Variants in KMT2C observed in about 807,000 individuals in gnomAD.
The protein encoded by KMT2C is lysine methyltransferase 2C.
KMT2C carries 88 observed loss-of-function variants against 507.9 expected under a neutral mutation model. The observed-to-expected ratio is 0.17, with a 90% CI of 0.15 to 0.21. KMT2C has a LOEUF of 0.21. KMT2C is among the 10% of genes least tolerant of loss of function. The pLI is 1.00. For missense variants in KMT2C, 4,954 were observed against 5,957.8 expected (o/e 0.83, Z 5.55); for synonymous variants, 2,049 against 2,080.8 (o/e 0.98, Z 0.42).
intron 26 of KMT2C, among the ~76,000 whole-genome samples, chr7:152,199,728 T>G (rs947046990): frequency 2.0e-5 from 3 of 152,210 alleles, no homozygotes; most frequent in African/African-American, 4.8e-5. Context: ...CAAAGGTTTC[T>G]AGAAACTGCA....
At chr7:152,336,447 G>T (rs544618591) in intron 2 of KMT2C, among the ~76,000 whole-genome samples, 1 of 152,046 alleles carries the variant, frequency 6.6e-6, no homozygotes. Context: ...GTCAACCAGG[G>T]ATCCAACCAG....
intron 34 of KMT2C, among the ~76,000 whole-genome samples, chr7:152,184,526 T>C (rs900387627): frequency 6.6e-6 from 1 of 152,186 alleles, no homozygotes; most frequent in Admixed American, 6.5e-5. Flanking sequence ...TCTTTAAACA[T>C]GTCTAAATAT....
At chr7:152,190,939 C>T (rs913007345) in intron 31 of KMT2C, among the ~76,000 whole-genome samples, 3 of 152,172 alleles carry the variant, frequency 2.0e-5, no homozygotes, top group Non-Finnish European at 4.4e-5. Context: ...TTTCCAAGAT[C>T]CTATACCTCT....
intron 52 of KMT2C, among the ~76,000 whole-genome samples, chr7:152,147,337 T>C (rs1191953918): frequency 6.6e-6 from 1 of 152,096 alleles, no homozygotes; most frequent in East Asian, 1.9e-4. Context: ...TATGACAATG[T>C]ATACAGTATG....
chr7:152,430,484 A>T (rs1482805405), intron 1 of KMT2C, among the ~76,000 whole-genome samples: 1 of 152,152 alleles, frequency 6.6e-6, no homozygotes, highest in Non-Finnish European at 1.5e-5. Context: ...TCACAACCTA[A>T]CGAGGGTATC....
At chr7:152,179,060 G>A (rs770020283) in intron 37 of KMT2C, among the ~76,000 whole-genome samples, 4 of 152,172 alleles carry the variant, frequency 2.6e-5, no homozygotes, top group South Asian at 2.1e-4. Context: ...GCGTGACCTC[G>A]GCTCACTGCA....
chr7:152,264,114 T>C (rs1377429074), intron 8 of KMT2C, among the ~76,000 whole-genome samples: 1 of 152,182 alleles, frequency 6.6e-6, no homozygotes, highest in Non-Finnish European at 1.5e-5. Context: ...CCCAAGAAAC[T>C]GAGCGCAGAT....
At chr7:152,357,157 G>T (rs1444766575) in intron 2 of KMT2C, among the ~76,000 whole-genome samples, 1 of 148,764 alleles carries the variant, frequency 6.7e-6, no homozygotes, top group Non-Finnish European at 1.5e-5. Flanking sequence ...AGCCCGGCGG[G>T]TGGAGGTTGC....
chr7:152,385,190 CAGGA>C (rs1589632365), intron 1 of KMT2C, among the ~76,000 whole-genome samples: 2 of 152,148 alleles, frequency 1.3e-5, no homozygotes, highest in East Asian at 3.8e-4. Context: ...ATCCTGACTA[CAGGA>C]ACTCTACAGG....
chr7:152,432,775 A>C (rs1193461876), intron 1 of KMT2C, among the ~76,000 whole-genome samples: 1 of 152,256 alleles, frequency 6.6e-6, no homozygotes, highest in African/African-American at 2.4e-5. Flanking sequence ...TTAAAAATTT[A>C]AACTTGAGGA....
intron 1 of KMT2C, among the ~76,000 whole-genome samples, chr7:152,419,860 G>A (rs574710005): frequency 3.3e-5 from 5 of 152,220 alleles, no homozygotes; most frequent in Non-Finnish European, 2.9e-5. Flanking sequence ...GTAAGCACTA[G>A]TAGTGCCTAA....
chr7:152,181,559 G>T lies in KMT2C; in HGVS notation c.6301C>A (p.Pro2101Thr), dbSNP rs893158761. The change falls in exon 36 of 59, where the codon CCA becomes ACA. Residue 2101 changes from proline to threonine, a missense_variant. Transcript: ENST00000262189. ...AAAGATTCATTCACTGCTGGATGTG[G>T]GGTAAGGGGAGGCTGACTATATGGA... is the stretch of plus-strand genomic sequence containing the variant. ...NDPYSQPPLT[P>T]HPAVNESFAH... 1 of 1,614,060 alleles carries T rather than the reference G, an allele frequency of 6.2e-7. No homozygotes were observed. Among genetic ancestry groups the T allele is most frequent in the Non-Finnish European group, 8.5e-7 (1 of 1,179,998 alleles).
At chr7:152,267,264 C>T (rs535300839) in intron 7 of KMT2C, among the ~76,000 whole-genome samples, 1 of 152,334 alleles carries the variant, frequency 6.6e-6, no homozygotes, top group African/African-American at 2.4e-5. Context: ...TTCATAAACC[C>T]CAAACCTTTA....
At position 152,181,459 on chromosome 7, in the gene KMT2C, G is replaced by C; in HGVS notation, c.6401C>G (p.Pro2134Arg). The C allele has an allele frequency of 1.2e-6, 2 of 1,614,074 alleles. No homozygotes were observed. The highest frequency in any genetic ancestry group is 2.2e-5 in the East Asian group (1 of 44,872). The part of the protein sequence containing the change: ...RPTSQDPYSQ[P>R]PGTPRPVVDS... ...TACAACAGGTCGTGGAGTTCCTGGG[G>C]GTTGGGAGTATGGGTCCTGAGATGT... is the stretch of plus-strand genomic sequence containing the variant. The change falls in exon 36 of 59, where the codon CCC becomes CGC. Residue 2134 changes from proline to arginine, a missense_variant. Transcript: ENST00000262189.
In KMT2C at chr7:152,148,973, G is replaced by C. The variant is rs189172605; in HGVS notation, c.12954C>G (p.Val4318=). 1.3e-6 allele frequency: 2 copies of C among 1,584,602 alleles called. No homozygotes were observed. The highest frequency in any genetic ancestry group is 1.7e-6 in the Non-Finnish European group (2 of 1,166,570). ...CCTTCAGCTCATCTGGCTTGGCCTC[G>C]ACTTGGGCTGCTTCAAAAGCAGGAG... The part of the protein sequence containing the change: ...AFPPAFEAAQ[V]EAKPDELKVT... Residue 4318 remains valine, a synonymous_variant, in exon 52 of 59, where the codon GTC becomes GTG. Transcript: ENST00000262189. The surrounding 1 kb of genome is among the most constrained non-coding windows in gnomAD (Gnocchi z 7.1).
chr7:152,385,384 G>C (rs2097415603), intron 1 of KMT2C, among the ~76,000 whole-genome samples: 2 of 136,914 alleles, frequency 1.5e-5, no homozygotes, highest in South Asian at 2.2e-4. Context: ...AGGCCGAGGC[G>C]GGCGGATCAC....
intron 1 of KMT2C, among the ~76,000 whole-genome samples, chr7:152,383,372 A>G (rs2097391605): frequency 6.6e-6 from 1 of 152,212 alleles, no homozygotes; most frequent in Non-Finnish European, 1.5e-5. Flanking sequence ...TTTTAGTAGA[A>G]TGCTTGCACA....
chr7:152,434,417 C>T lies in KMT2C; in HGVS notation c.161+1209G>A, dbSNP rs528485744. Among the ~76,000 whole-genome samples the T allele has an allele frequency of 1.3e-3, 194 of 152,280 alleles. 1 individual carries two copies. The highest frequency in any genetic ancestry group is 0.01 in the Middle Eastern group (3 of 294). ...CAAGAGCTCAATGGGTTCCCACAAC[C>T]CAGCTCTGCTATGCCTCAGTTCACG... On this transcript the variant is annotated intron_variant, in intron 1 of 58. Coordinates refer to ENST00000262189, the MANE Select transcript of KMT2C (RefSeq NM_170606.3).
chr7:152,197,827 A>C (rs1198692736), intron 27 of KMT2C, among the ~76,000 whole-genome samples: 2 of 152,138 alleles, frequency 1.3e-5, no homozygotes, highest in Non-Finnish European at 2.9e-5. Context: ...TGCAAAGAAC[A>C]ATTAATCTAG....
Sources: gnomAD v4.1 joint callset for allele counts (sites outside exome capture counted in the v4.1 genomes callset) on GRCh38, gnomAD v4.1.1 for gene constraint, Gnocchi (gnomAD v3.1) non-coding constraint, MANE v1.5 for transcripts, NCBI Gene and HGNC (gene_info 2026-07-23, HGNC 2026-07-21) for gene names.